The following SNTG1 variants were observed in gnomAD, a reference collection of about 807,000 sequenced individuals.
SNTG1 encodes syntrophin gamma 1.
Under a neutral mutation model 74.7 loss-of-function variants are expected in SNTG1, and 39 were observed. The observed-to-expected ratio is 0.52, with a 90% CI of 0.40 to 0.68. The LOEUF is 0.68. SNTG1 is among the 30% of genes least tolerant of loss of function. The pLI is 0.00. For synonymous variants in SNTG1, 254 were observed against 217.1 expected (o/e 1.17, Z -1.49); for missense variants, 685 against 609.5 (o/e 1.12, Z -1.30).
intron 17 of SNTG1, among the ~76,000 whole-genome samples, chr8:50,748,329 CA>C (rs2095559728): frequency 6.6e-6 from 1 of 151,808 alleles, no homozygotes; most frequent in Non-Finnish European, 1.5e-5. Context: ...GGCATTTTAC[CA>C]GGAATTATTT....
At chr8:50,671,105 G>A (rs971836876) in intron 15 of SNTG1, among the ~76,000 whole-genome samples, 13 of 151,736 alleles carry the variant, frequency 8.6e-5, no homozygotes, top group Non-Finnish European at 1.3e-4. Flanking sequence ...AGAAAACCTA[G>A]GCATTACCAT....
At chr8:50,188,285 C>T (rs760581194) in intron 2 of SNTG1, among the ~76,000 whole-genome samples, 8 of 152,112 alleles carry the variant, frequency 5.3e-5, no homozygotes, top group Non-Finnish European at 1.0e-4. Context: ...TTGGCTTCAG[C>T]TCATGAATCA....
chr8:50,344,156 C>A (rs1476435335), intron 2 of SNTG1, among the ~76,000 whole-genome samples: 1 of 152,156 alleles, frequency 6.6e-6, no homozygotes, highest in Non-Finnish European at 1.5e-5. Context: ...ATAGTCAATT[C>A]ATTTTTTTCT....
chr8:50,600,561 C>T (rs1284218737), intron 13 of SNTG1, among the ~76,000 whole-genome samples: 3 of 151,926 alleles, frequency 2.0e-5, no homozygotes, highest in African/African-American at 7.3e-5. Context: ...TTTGGATTTT[C>T]CAATTTATTG....
At position 50,794,106 on chromosome 8, in the gene SNTG1, T is replaced by C. The variant is rs932325216; in HGVS notation, c.*1277T>C. ...AGCTTTTTTGAGATATTTTAAAAAGTCAGCTGTGTATGTAAAAAAAAAAAA... is the reference window on the plus strand; with the variant it reads ...AGCTTTTTTGAGATATTTTAAAAAGCCAGCTGTGTATGTAAAAAAAAAAAA... On this transcript the variant is annotated 3_prime_UTR_variant, in exon 19 of 19. Transcript: ENST00000642720. 6.6e-6 allele frequency: 1 copy of C among 151,116 alleles called. No homozygotes were observed. The highest frequency in any genetic ancestry group is 1.5e-5 in the Non-Finnish European group (1 of 67,736). 9.4% of individuals were successfully genotyped at this position (151,116 alleles called of 1,614,324 possible).
chr8:49,960,570 G>C (rs967898147), intron 1 of SNTG1, among the ~76,000 whole-genome samples: 4 of 151,926 alleles, frequency 2.6e-5, no homozygotes, highest in African/African-American at 9.7e-5. Context: ...TTGATATCTA[G>C]GGTGCCTTAT....
chr8:50,673,940 G>A (rs1014408455), intron 15 of SNTG1, among the ~76,000 whole-genome samples: 2 of 152,088 alleles, frequency 1.3e-5, no homozygotes, highest in Non-Finnish European at 2.9e-5. Context: ...ATTATCACGT[G>A]TTTTCTGTCA....
At chr8:50,198,853 A>G (rs1440583433) in intron 2 of SNTG1, among the ~76,000 whole-genome samples, 1 of 152,202 alleles carries the variant, frequency 6.6e-6, no homozygotes, top group East Asian at 1.9e-4. Flanking sequence ...TAGAGTATCA[A>G]CAGTATGAAA....
Position 50,337,066 on chromosome 8 carries a change from C to T in SNTG1, c.-27-57146C>T, listed in dbSNP as rs143387517. On this transcript the variant is annotated intron_variant, in intron 2 of 18. Coordinates refer to ENST00000642720, the MANE Select transcript of SNTG1 (RefSeq NM_018967.5). ...ATTGATAGTCCCCCTGGCTTTTTTC[C>T]CTGCATTGCATCAGATTAGAAAAAT... Among the ~76,000 whole-genome samples, 77 of 152,170 alleles carry T rather than the reference C, an allele frequency of 5.1e-4. 1 individual carries two copies. In the East Asian group the frequency reaches 0.012, roughly 23 times the overall value.
rs58485721 is a variant in SNTG1, at chr8:50,068,309, A to T, written c.-102-104252A>T. The stretch of plus-strand genomic sequence containing the variant: ...CTCAGGCAGATTACCCGTGCGTGGT[A>T]TCCTTGTTAATTGTAGCTTTTCTTG... On this transcript the variant is annotated intron_variant, in intron 1 of 18. Coordinates refer to ENST00000642720, the MANE Select transcript of SNTG1 (RefSeq NM_018967.5). Among the ~76,000 whole-genome samples, 1,272 of 152,272 alleles carry T rather than the reference A, an allele frequency of 8.4e-3. 25 individuals carry two copies. Among genetic ancestry groups the T allele is most frequent in the African/African-American group, 0.029 (1,201 of 41,556 alleles).
intron 15 of SNTG1, among the ~76,000 whole-genome samples, chr8:50,699,161 G>A (rs1170249012): frequency 1.3e-5 from 2 of 151,586 alleles, no homozygotes; most frequent in Non-Finnish European, 2.9e-5. Context: ...TTTTTAAAAA[G>A]GGTTCTGGGA....
intron 8 of SNTG1, among the ~76,000 whole-genome samples, chr8:50,484,051 A>T (rs751253369): frequency 1.7e-4 from 26 of 151,860 alleles, no homozygotes; most frequent in Admixed American, 1.3e-4. Flanking sequence ...TTAAGTAAAC[A>T]TTCTGGATTT....
chr8:50,659,169 C>T (rs559034536), intron 15 of SNTG1, among the ~76,000 whole-genome samples: 5 of 152,144 alleles, frequency 3.3e-5, no homozygotes, highest in South Asian at 2.1e-4. Flanking sequence ...AAAGAACATT[C>T]GATTGTCATA....
chr8:50,745,316 G>A (rs1003941420), intron 17 of SNTG1, among the ~76,000 whole-genome samples: 30 of 151,988 alleles, frequency 2.0e-4, no homozygotes, highest in African/African-American at 7.0e-4. Flanking sequence ...CTAGCCATTA[G>A]TGAAATGCAA....
At chr8:50,711,146 A>G (rs2095460502) in intron 17 of SNTG1, among the ~76,000 whole-genome samples, 1 of 152,314 alleles carries the variant, frequency 6.6e-6, no homozygotes, top group African/African-American at 2.4e-5. Flanking sequence ...TCATCAGATG[A>G]GGCTGGAAGT....
chr8:50,310,261 T>A (rs769404627), intron 2 of SNTG1, among the ~76,000 whole-genome samples: 16 of 152,206 alleles, frequency 1.1e-4, no homozygotes, highest in Non-Finnish European at 2.4e-4. Flanking sequence ...AATTATTGAT[T>A]CCTTGGAGTG....
chr8:50,546,920 T>A (rs2094392252), intron 11 of SNTG1, among the ~76,000 whole-genome samples: 1 of 152,108 alleles, frequency 6.6e-6, no homozygotes, highest in Non-Finnish European at 1.5e-5. Flanking sequence ...TAGCTGAGAT[T>A]ACAGGTGCCC....
At chr8:50,644,186 A>G (rs1439320333) in intron 13 of SNTG1, 1 of 152,236 alleles carries the variant, frequency 6.6e-6, no homozygotes, top group Admixed American at 6.5e-5. Flanking sequence ...AGATGTCTGG[A>G]TTTGTTAGGT....
At position 50,020,524 on chromosome 8, in the gene SNTG1, A is replaced by G. The variant is rs538045333; in HGVS notation, c.-103+108293A>G. On this transcript the variant is annotated intron_variant, in intron 1 of 18. Transcript: ENST00000642720. The stretch of plus-strand genomic sequence containing the variant: ...GTTTCAATTGCATTCTCTTTGAAAT[A>G]TATTTTATCTGTAAAATATTTTCTT... Among the ~76,000 whole-genome samples, 46 of 152,322 alleles carry G rather than the reference A, an allele frequency of 3.0e-4. 1 individual carries two copies. The South Asian group carries it at 8.7e-3, about 29-fold the overall frequency.
Sources: gnomAD v4.1 joint callset for allele counts (sites outside exome capture counted in the v4.1 genomes callset) on GRCh38, gnomAD v4.1.1 for gene constraint, MANE v1.5 for transcripts, NCBI Gene and HGNC (gene_info 2026-07-23, HGNC 2026-07-21) for gene names.